The following TRPV1 variants were observed in gnomAD, a reference collection of about 807,000 sequenced individuals.
TRPV1 encodes the protein OTRPC1.
TRPV1 carries 82 observed loss-of-function variants against 82.3 expected under a neutral mutation model. The ratio of observed to expected loss-of-function variants is 1.00; its 90% CI spans 0.83 to 1.20. TRPV1 has a LOEUF of 1.20. Ranked by LOEUF, TRPV1 falls within the 50% of genes most tolerant of loss-of-function variation. The probability of loss-of-function intolerance (pLI) is 0.00; values close to 1 mark genes in which losing one functional copy is unlikely to be tolerated. For synonymous variants in TRPV1, 515 were observed against 467.7 expected (o/e 1.10, Z -1.30); for missense variants, 1,067 against 1,096.8 (o/e 0.97, Z 0.38).
At chr17:3,568,300 T>C (rs868230911) in intron 16 of TRPV1, among the ~76,000 whole-genome samples, 63 of 140,978 alleles carry the variant, frequency 4.5e-4, no homozygotes, top group South Asian at 2.7e-3. Context: ...CCAGCCTGGG[T>C]GACAGAGCCA....
intron 16 of TRPV1, among the ~76,000 whole-genome samples, chr17:3,567,844 C>G (rs991272831): frequency 6.6e-6 from 1 of 152,096 alleles, no homozygotes; most frequent in African/African-American, 2.4e-5. Context: ...CCATCCCTGC[C>G]CCAGTTAACA....
chr17:3,600,433 C>A (rs1056701876), intron 2 of TRPV1, among the ~76,000 whole-genome samples: 1 of 152,032 alleles, frequency 6.6e-6, no homozygotes, highest in African/African-American at 2.4e-5. Flanking sequence ...ACTAAAAATA[C>A]AAAAAATTAG....
chr17:3,584,056 A>T (rs1567666163), intron 9 of TRPV1, among the ~76,000 whole-genome samples: 1 of 151,962 alleles, frequency 6.6e-6, no homozygotes, highest in Non-Finnish European at 1.5e-5. Context: ...GGATCACCTG[A>T]GGTCGAGAGT....
intron 16 of TRPV1, among the ~76,000 whole-genome samples, chr17:3,570,325 A>T (rs2074835827): frequency 6.6e-6 from 1 of 151,224 alleles, no homozygotes. Flanking sequence ...AACCCAGATC[A>T]CGCCACTGCA....
chr17:3,580,030 C>T, intron 11 of TRPV1, among the ~76,000 whole-genome samples: 1 of 151,184 alleles, frequency 6.6e-6, no homozygotes, highest in South Asian at 2.1e-4. Flanking sequence ...CAGCCCCCGC[C>T]CCGCCCCGCC....
chr17:3,580,271 C>T (rs987081229), intron 11 of TRPV1, among the ~76,000 whole-genome samples, 186 bp downstream of exon 11: 1 of 152,212 alleles, frequency 6.6e-6, no homozygotes, highest in Non-Finnish European at 1.5e-5. Context: ...TCCCTGGCCC[C>T]TGGCACAGAG....
intron 2 of TRPV1, among the ~76,000 whole-genome samples, chr17:3,594,160 C>CAAAA (rs1567673375): frequency 8.6e-6 from 1 of 115,896 alleles, no homozygotes; most frequent in Admixed American, 7.8e-5. Context: ...AAAGAAGCAG[C>CAAAA]AGCAGCAGCA....
intron 15 of TRPV1, 86 bp from the exon 16 acceptor site, chr17:3,571,725 C>T (rs2074856753): frequency 4.8e-6 from 5 of 1,036,404 alleles, no homozygotes; most frequent in Non-Finnish European, 7.3e-6. Flanking sequence ...GCCCAAGAAA[C>T]CCACCCATCA....
Position 3,588,240 on chromosome 17 carries a change from C to CA in TRPV1, c.1171dup (p.Cys391LeufsTer19). 1.9e-6 allele frequency: 3 copies of CA among 1,580,464 alleles called. No homozygotes were observed. Among genetic ancestry groups the CA allele is most frequent in the Non-Finnish European group, 2.6e-6 (3 of 1,163,826 alleles). On this transcript the variant is annotated frameshift_variant, in exon 8 of 17. Coordinates refer to ENST00000572705, the MANE Select transcript of TRPV1 (RefSeq NM_080704.4). LOFTEE classifies it high-confidence loss of function. ...CACCTCCAGCACCGAGTTCTTCTCG[C>CA]AGGTGTCGATGCAGGACAGGTCGTA...
chr17:3,593,116 G>C (rs867349315), intron 2 of TRPV1, among the ~76,000 whole-genome samples: 1,867 of 92,386 alleles, frequency 0.02, 37 homozygotes, highest in African/African-American at 0.11. Flanking sequence ...GTGTGTGTGT[G>C]TGTGTGTGTG....
In TRPV1 at chr17:3,592,535, C is replaced by T. The variant is rs796596375; in HGVS notation, c.-33-152G>A. On this transcript the variant is annotated intron_variant, in intron 2 of 16. Transcript: ENST00000572705. ...CCAGCCCCCTAGAACTGAAGTGTTT[C>T]CAGGACTGAACCTCTCACCCCAGAG... is the stretch of plus-strand genomic sequence containing the variant. 8 of 776,918 alleles carry T rather than the reference C, an allele frequency of 1.0e-5. No individual in the cohort carries two copies. In the South Asian group the frequency reaches 1.1e-4, roughly 11 times the overall value. The allele number at this position is 776,918 out of a possible 1,614,324, so 48.1% of individuals were successfully genotyped here.
intron 8 of TRPV1, among the ~76,000 whole-genome samples, chr17:3,587,616 C>T (rs889362679): frequency 2.0e-5 from 3 of 152,082 alleles, no homozygotes; most frequent in Non-Finnish European, 2.9e-5. Flanking sequence ...GTCAAGAGTT[C>T]GAGACCACCC....
intron 10 of TRPV1, among the ~76,000 whole-genome samples, chr17:3,581,079 G>T (rs542999904): frequency 6.6e-6 from 1 of 151,906 alleles, no homozygotes; most frequent in East Asian, 1.9e-4. Flanking sequence ...AGACAGGAAG[G>T]AAAATCATTA....
At chr17:3,579,087 C>G (rs1482662230) in intron 11 of TRPV1, among the ~76,000 whole-genome samples, 1 of 152,134 alleles carries the variant, frequency 6.6e-6, no homozygotes, top group East Asian at 1.9e-4. Context: ...ATGTTCACTA[C>G]TTGGGTGACC....
In TRPV1 at chr17:3,592,506, G is replaced by GC. The variant is rs2075172481; in HGVS notation, c.-33-124dup. On this transcript the variant is annotated intron_variant, in intron 2 of 16. Coordinates refer to ENST00000572705, the MANE Select transcript of TRPV1 (RefSeq NM_080704.4). ...TACCCCAAAACTCCAACTTGCTGCTGCCCCCAGCCCCCTAGAACTGAAGTG... is the reference window on the plus strand; with the variant it reads ...TACCCCAAAACTCCAACTTGCTGCTGCCCCCCAGCCCCCTAGAACTGAAGTG... The GC allele has an allele frequency of 6.4e-6, 6 of 938,718 alleles. No individual in the cohort carries two copies. The East Asian group carries it at 1.6e-4, about 25-fold the overall frequency. 58.1% of individuals were successfully genotyped at this position (938,718 alleles called of 1,614,324 possible). A position where few individuals can be genotyped will look rare whatever the true frequency, so the allele number is the denominator to read the frequency against.
At position 3,580,522 on chromosome 17, in the gene TRPV1, C is replaced by T. The variant is rs199802418; in HGVS notation, c.1482G>A (p.Gln494=). Residue 494 remains glutamine, a synonymous_variant, in exon 11 of 17, where the codon CAG becomes CAA. Transcript: ENST00000572705. ...GGVYFFFRGI[Q]YFLQRRPSMK... is the part of the protein sequence containing the mutation. The stretch of plus-strand genomic sequence containing the variant: ...TCGACGGCCGCCTCTGCAGGAAATA[C>T]TGAATCTGCAGGTAAACAGAGAGAG... The T allele has an allele frequency of 6.2e-7, 1 of 1,614,044 alleles. No homozygotes were observed.
In TRPV1 at chr17:3,583,328, G is replaced by A; in HGVS notation, c.1476+10C>T. ...TAATGGAAACTCACAATGTGGGAAG[G>A]AACGCTTACCCCTCGGAAAAAGAAG... On this transcript the variant is annotated intron_variant, in intron 10 of 16. Transcript: ENST00000572705. 1 of 1,600,844 alleles carries A rather than the reference G, an allele frequency of 6.2e-7. No individual in the cohort carries two copies. The highest frequency in any genetic ancestry group is 8.5e-7 in the Non-Finnish European group (1 of 1,173,114).
chr17:3,577,789 C>A, intron 11 of TRPV1, 26 bp from the exon 12 acceptor site: 2 of 1,573,950 alleles, frequency 1.3e-6, no homozygotes, highest in East Asian at 4.7e-5. Context: ...CAGAAAGCTC[C>A]GTCTACGGGA....
At chr17:3,571,190 G>GAGGAGGCAGGGCAGCCCATACA (rs1233559148) in intron 16 of TRPV1, among the ~76,000 whole-genome samples, 1 of 152,222 alleles carries the variant, frequency 6.6e-6, no homozygotes, top group African/African-American at 2.4e-5. Context: ...GAACAGGGCT[G>GAGGAGGCAGGGCAGCCCATACA]AGGAGGCAGG....
Sources: gnomAD v4.1 joint callset for allele counts (sites outside exome capture counted in the v4.1 genomes callset) on GRCh38, gnomAD v4.1.1 for gene constraint, MANE v1.5 for transcripts, NCBI Gene and HGNC (gene_info 2026-07-23, HGNC 2026-07-21) for gene names.